Variants in MYH15 observed in about 807,000 individuals in gnomAD.
The protein encoded by MYH15 is myosin-15.
Under a neutral mutation model 240.5 loss-of-function variants are expected in MYH15, and 227 were observed. That is an observed-to-expected ratio of 0.94 (90% CI 0.85 to 1.05). The LOEUF is 1.05. Ranked by LOEUF, MYH15 falls within the 50% of genes least tolerant of loss-of-function variation. The pLI is 0.00. For missense variants in MYH15, 2,217 were observed against 2,247.5 expected, an observed-to-expected ratio of 0.99 and a Z score of 0.27; for synonymous variants, 785 against 796.7, an observed-to-expected ratio of 0.99 and a Z score of 0.25.
At chr3:108,528,181 C>T (rs1385881031) in intron 1 of MYH15, among the ~76,000 whole-genome samples, 1 of 152,072 alleles carries the variant, frequency 6.6e-6, no homozygotes, top group Admixed American at 6.6e-5. Context: ...CAGTCTACCT[C>T]ATAAGGTTTT....
chr3:108,498,083 A>T lies in MYH15; in HGVS notation c.587T>A (p.Ile196Lys), dbSNP rs766518957. Residue 196 changes from isoleucine (I) to lysine (K), a missense_variant, in exon 6 of 41, where the codon ATA becomes AAA. By Grantham distance (102) the Ile-to-Lys change is moderately radical (BLOSUM62 -3). Coordinates refer to ENST00000693548, the MANE Select transcript of MYH15 (RefSeq NM_014981.3). ...TTTCCTGGATTCAATCATGGCTGCT[A>T]TGGTGGCAAAATACTGGATAATATG... Reference protein sequence around the residue: ...SKHIIQYFATIAAMIESRKKQ... With the variant: ...SKHIIQYFATKAAMIESRKKQ... The T allele has an allele frequency of 6.2e-7, 1 of 1,613,900 alleles. No individual in the cohort carries two copies. The highest frequency in any genetic ancestry group is 1.3e-5 in the African/African-American group (1 of 74,882).
intron 12 of MYH15, 132 bp downstream of exon 12, chr3:108,476,265 A>G (rs936668956): frequency 1.3e-5 from 7 of 547,606 alleles, no homozygotes; most frequent in Non-Finnish European, 2.3e-5. Flanking sequence ...TCATCCCAAG[A>G]GCTCTTTTTT....
intron 11 of MYH15, among the ~76,000 whole-genome samples, chr3:108,480,278 C>A (rs891044936): frequency 6.6e-6 from 1 of 152,136 alleles, no homozygotes; most frequent in Non-Finnish European, 1.5e-5. Context: ...AGAAGAGTTT[C>A]CTTAACAATG....
intron 9 of MYH15, among the ~76,000 whole-genome samples, chr3:108,487,645 G>A (rs2083316425): frequency 6.6e-6 from 1 of 152,144 alleles, no homozygotes; most frequent in African/African-American, 2.4e-5. Flanking sequence ...GGGCTCCAAT[G>A]AGTGAAAAGG....
Position 108,389,037 on chromosome 3 carries a change from C to G in MYH15, c.5468G>C (p.Arg1823Pro). The G allele has an allele frequency of 6.2e-7, 1 of 1,613,972 alleles. No homozygotes were observed. The change falls in exon 38 of 41, where the codon CGT (arginine) becomes CCT (proline). Residue 1823 changes from arginine to proline, a missense_variant. Coordinates refer to ENST00000693548, the MANE Select transcript of MYH15 (RefSeq NM_014981.3). ...TCCCCTCTGGGCCTCTGCACTGCGA[C>G]GGATTTCACCCTCCAGTTCACCTTC... Reference protein sequence around the residue: ...ELEGELEGEIRRSAEAQRGAR... With the variant: ...ELEGELEGEIPRSAEAQRGAR...
intron 12 of MYH15, among the ~76,000 whole-genome samples, chr3:108,471,855 T>A (rs946575212): frequency 6.6e-6 from 1 of 152,214 alleles, no homozygotes; most frequent in East Asian, 1.9e-4. Flanking sequence ...AGTAGTGGTA[T>A]AGTACATTAG....
At chr3:108,432,594 GA>G (rs1021679145) in intron 25 of MYH15, among the ~76,000 whole-genome samples, 6 of 152,180 alleles carry the variant, frequency 3.9e-5, no homozygotes, top group African/African-American at 1.4e-4. Flanking sequence ...GGCCCAGGAG[GA>G]AAAATTGGTT....
At chr3:108,427,193 G>C (rs973726800) in intron 27 of MYH15, among the ~76,000 whole-genome samples, 8 of 152,222 alleles carry the variant, frequency 5.3e-5, no homozygotes, top group Non-Finnish European at 1.0e-4. Context: ...GGAACCTATT[G>C]AGGTAGAATG....
chr3:108,471,986 G>A (rs2083182085), intron 12 of MYH15, among the ~76,000 whole-genome samples: 2 of 152,120 alleles, frequency 1.3e-5, no homozygotes, highest in Non-Finnish European at 2.9e-5. Flanking sequence ...CACTCTTAAA[G>A]GATCTTCCTA....
chr3:108,404,493 G>A (rs138071145), intron 33 of MYH15, among the ~76,000 whole-genome samples: 182 of 152,270 alleles, frequency 1.2e-3, no homozygotes, highest in Admixed American at 4.1e-3. Context: ...GATCTACAGC[G>A]TGTGAAGTGC....
At chr3:108,453,157 T>C (rs2082989175) in intron 21 of MYH15, among the ~76,000 whole-genome samples, 1 of 152,134 alleles carries the variant, frequency 6.6e-6, no homozygotes, top group Non-Finnish European at 1.5e-5. Flanking sequence ...ATTCAGAATC[T>C]TACTCAAGTT....
chr3:108,516,364 A>T (rs2083572932), intron 1 of MYH15, among the ~76,000 whole-genome samples: 1 of 152,194 alleles, frequency 6.6e-6, no homozygotes, highest in Non-Finnish European at 1.5e-5. Context: ...AAAATTGGAG[A>T]CAATGCCTGA....
At chr3:108,452,533 C>T (rs1359140972) in intron 21 of MYH15, among the ~76,000 whole-genome samples, 1 of 151,746 alleles carries the variant, frequency 6.6e-6, no homozygotes, top group African/African-American at 2.4e-5. Flanking sequence ...TGATATATTT[C>T]AAAGAATAAT....
chr3:108,463,308 C>T, intron 15 of MYH15, 65 bp from the exon 16 acceptor site: 2 of 1,506,460 alleles, frequency 1.3e-6, no homozygotes, highest in Non-Finnish European at 8.9e-7. Flanking sequence ...ACATGGAAGG[C>T]TGTGCATTAC....
intron 36 of MYH15, among the ~76,000 whole-genome samples, chr3:108,393,374 T>C (rs150194919): frequency 1.3e-3 from 191 of 152,280 alleles, no homozygotes; most frequent in African/African-American, 4.4e-3. Flanking sequence ...TTTTTCCCAG[T>C]GGTACCTTCC....
At chr3:108,455,230 C>CATCT (rs1302260066) in intron 20 of MYH15, among the ~76,000 whole-genome samples, 1 of 152,184 alleles carries the variant, frequency 6.6e-6, no homozygotes, top group Non-Finnish European at 1.5e-5. Flanking sequence ...ATGCCAATAT[C>CATCT]ATCTAAGATG....
At position 108,395,914 on chromosome 3, in the gene MYH15, C is replaced by T. The variant is rs201070610; in HGVS notation, c.5134-1758G>A. 1.2e-4 allele frequency among the ~76,000 whole-genome samples: 19 copies of T among 152,232 alleles called. No individual in the cohort carries two copies. The East Asian group carries it at 3.5e-3, about 28-fold the overall frequency. ...GTCCTTGTGAATAATATCACCTAGA[C>T]CAGTGCTGGTCAAAGGGTAGTCTTT... On this transcript the variant is annotated intron_variant, in intron 35 of 40. Transcript: ENST00000693548.
chr3:108,439,618 G>T, intron 24 of MYH15, 119 bp downstream of exon 24: 1 of 919,006 alleles, frequency 1.1e-6, no homozygotes, highest in Non-Finnish European at 1.5e-6. Context: ...CAATAATCAG[G>T]AAAACAAACT....
chr3:108,442,646 C>A (rs1188246981), intron 22 of MYH15, among the ~76,000 whole-genome samples: 1 of 151,994 alleles, frequency 6.6e-6, no homozygotes, highest in Non-Finnish European at 1.5e-5. Context: ...AATGGTGTGG[C>A]AGTTTAGCAG....
Sources: allele counts gnomAD v4.1 joint callset (sites outside exome capture counted in the v4.1 genomes callset), GRCh38; gene constraint gnomAD v4.1.1; transcripts MANE v1.5; gene names NCBI Gene and HGNC (gene_info 2026-07-23, HGNC 2026-07-21).